The following HSD17B4 variants were observed in gnomAD, a reference collection of about 807,000 sequenced individuals.
The protein encoded by HSD17B4 is peroxisomal multifunctional enzyme type 2.
Under a neutral mutation model 101.0 loss-of-function variants are expected in HSD17B4, and 70 were observed. The observed-to-expected ratio is 0.69, with a 90% CI of 0.57 to 0.85. The LOEUF is 0.85. Among genes scored for constraint, HSD17B4 ranks in the 40% least tolerant of loss-of-function variants. The pLI is 0.00. For missense variants in HSD17B4, 984 were observed against 892.4 expected, an observed-to-expected ratio of 1.10 and a Z score of -1.31; for synonymous variants, 347 against 297.1, an observed-to-expected ratio of 1.17 and a Z score of -1.73.
At chr5:119,507,386 A>G (rs1580647167) in intron 15 of HSD17B4, among the ~76,000 whole-genome samples, 1 of 152,216 alleles carries the variant, frequency 6.6e-6, no homozygotes, top group Non-Finnish European at 1.5e-5. Flanking sequence ...TGGTTTAAAC[A>G]CCACAGCCAC....
chr5:119,502,672 A>G (rs921939019), intron 14 of HSD17B4, among the ~76,000 whole-genome samples: 3 of 152,142 alleles, frequency 2.0e-5, no homozygotes, highest in African/African-American at 7.2e-5. Flanking sequence ...CTGGTCATAT[A>G]AGGTGGTAGA....
At position 119,473,465 on chromosome 5, in the gene HSD17B4, CAT is replaced by C. The variant is rs1470791366; in HGVS notation, c.113-442_113-441del. On this transcript the variant is annotated intron_variant, in intron 2 of 23. Coordinates refer to ENST00000510025, the MANE Select transcript of HSD17B4 (RefSeq NM_000414.4). Reference sequence around the variant, plus strand: ...TCCCAAGTAGCTGGGACTACAGATACATGCCATAATGCCCAGCTAATTATTTT... The same window carrying C: ...TCCCAAGTAGCTGGGACTACAGATACGCCATAATGCCCAGCTAATTATTTT... Among the ~76,000 whole-genome samples, 4 of 151,504 alleles carry C rather than the reference CAT, an allele frequency of 2.6e-5. No individual in the cohort carries two copies. The East Asian group carries it at 7.7e-4, about 29-fold the overall frequency.
intron 1 of HSD17B4, among the ~76,000 whole-genome samples, chr5:119,455,088 G>A (rs1186860966): frequency 1.3e-5 from 2 of 152,166 alleles, no homozygotes; most frequent in African/African-American, 4.8e-5. Context: ...ATTAAAAAAT[G>A]TAAACAATAC....
In HSD17B4 at chr5:119,516,477, T is replaced by G. The variant is rs570924334; in HGVS notation, c.1503+1431T>G. 3.3e-5 allele frequency among the ~76,000 whole-genome samples: 5 copies of G among 152,278 alleles called. No homozygotes were observed. The East Asian group carries it at 9.6e-4, about 29-fold the overall frequency. On this transcript the variant is annotated intron_variant, in intron 17 of 23. Coordinates refer to ENST00000510025, the MANE Select transcript of HSD17B4 (RefSeq NM_000414.4). ...TTTTTTTTTCAGATGACTAAAACTT[T>G]TTGTTAGTTTTAAGGTAGGTTTTAA...
intron 17 of HSD17B4, among the ~76,000 whole-genome samples, chr5:119,522,474 G>T (rs951362704): frequency 1.3e-5 from 2 of 152,054 alleles, no homozygotes; most frequent in Non-Finnish European, 2.9e-5. Flanking sequence ...TGGGTCAAAT[G>T]GTATTGCTAG....
chr5:119,488,336 A>C (rs781393450), intron 8 of HSD17B4, among the ~76,000 whole-genome samples: 1 of 152,176 alleles, frequency 6.6e-6, no homozygotes. Flanking sequence ...AGGTACTCAC[A>C]GAAAAGGTGC....
intron 11 of HSD17B4, 30 bp downstream of exon 11, chr5:119,493,976 G>GT (rs769087494): frequency 6.2e-7 from 1 of 1,611,762 alleles, no homozygotes; most frequent in South Asian, 1.1e-5. Flanking sequence ...CTTAGCCCTG[G>GT]TTGGGGAATC....
At chr5:119,522,631 A>G (rs1035587858) in intron 17 of HSD17B4, among the ~76,000 whole-genome samples, 8 of 152,080 alleles carry the variant, frequency 5.3e-5, no homozygotes, top group South Asian at 4.1e-4. Context: ...GCAACATGCA[A>G]TTTCTTTAGT....
intron 23 of HSD17B4, among the ~76,000 whole-genome samples, chr5:119,537,883 A>G (rs1561495647): frequency 1.3e-5 from 2 of 152,122 alleles, no homozygotes. Context: ...AGGACAGGGG[A>G]ACTATTTTAA....
At chr5:119,497,401 C>T (rs1260292271) in intron 12 of HSD17B4, among the ~76,000 whole-genome samples, 2 of 152,140 alleles carry the variant, frequency 1.3e-5, no homozygotes, top group Non-Finnish European at 2.9e-5. Context: ...GTATGCCTGC[C>T]TGGACTGTCT....
At chr5:119,524,244 T>C (rs923911712) in intron 17 of HSD17B4, among the ~76,000 whole-genome samples, 2 of 152,054 alleles carry the variant, frequency 1.3e-5, no homozygotes, top group Admixed American at 6.6e-5. Flanking sequence ...AAAGAGCTTA[T>C]TGGAATTATA....
intron 2 of HSD17B4, among the ~76,000 whole-genome samples, chr5:119,469,346 A>G (rs899735559): frequency 2.0e-5 from 3 of 146,974 alleles, no homozygotes; most frequent in African/African-American, 5.0e-5. Flanking sequence ...AAAGGTATCT[A>G]TTTTTATTTC....
rs1561485663 is a variant in HSD17B4, at chr5:119,525,917, GT to G, written c.1578del (p.Phe526LeufsTer106). On this transcript the variant is annotated frameshift_variant and splice_region_variant, in exon 19 of 24. Coordinates refer to ENST00000510025, the MANE Select transcript of HSD17B4 (RefSeq NM_000414.4). LOFTEE classifies it high-confidence loss of function. Reference sequence around the variant, plus strand: ...AACTCAGTGTTCTCTCTTTTCCTAGGTTTTGACAAGCCCATATTACATGGAT... The same window carrying G: ...AACTCAGTGTTCTCTCTTTTCCTAGGTTTGACAAGCCCATATTACATGGAT... ...HIDPNFASLA[G>X]FDKPILHGLC... 1 of 1,586,358 alleles carries G rather than the reference GT, an allele frequency of 6.3e-7. No individual in the cohort carries two copies. The highest frequency in any genetic ancestry group is 8.7e-7 in the Non-Finnish European group (1 of 1,155,342).
intron 2 of HSD17B4, 151 bp downstream of exon 2, chr5:119,456,519 GCTGT>G (rs1415353857): frequency 1.7e-5 from 11 of 649,770 alleles, no homozygotes; most frequent in Admixed American, 8.1e-5. Flanking sequence ...CCCGACTAAG[GCTGT>G]CTGTCTAAAT....
At chr5:119,483,285 T>A (rs528723) in intron 8 of HSD17B4, among the ~76,000 whole-genome samples, 2 of 152,126 alleles carry the variant, frequency 1.3e-5, no homozygotes, top group South Asian at 2.1e-4. Context: ...TCTATCTCAG[T>A]AAGCTGGGTT....
chr5:119,520,930 G>A (rs950103185), intron 17 of HSD17B4, among the ~76,000 whole-genome samples: 2 of 152,102 alleles, frequency 1.3e-5, no homozygotes, highest in Non-Finnish European at 2.9e-5. Flanking sequence ...CATTTTGGGG[G>A]ATGCATTATT....
intron 2 of HSD17B4, among the ~76,000 whole-genome samples, chr5:119,460,250 C>A (rs1036270536): frequency 5.3e-5 from 8 of 152,160 alleles, no homozygotes; most frequent in Non-Finnish European, 1.0e-4. Flanking sequence ...AATATTTAAA[C>A]CATCCCAGGC....
chr5:119,472,357 T>C (rs911196584), intron 2 of HSD17B4: 1 of 152,198 alleles, frequency 6.6e-6, no homozygotes, highest in Non-Finnish European at 1.5e-5. Context: ...CTTCACAAGG[T>C]TTTAAGTGTA....
At chr5:119,496,440 G>T in intron 11 of HSD17B4, 103 bp from the exon 12 acceptor site, 1 of 743,630 alleles carries the variant, frequency 1.3e-6, no homozygotes, top group East Asian at 2.6e-5. Context: ...TCTGTAGCAG[G>T]TTTGCTGAAT....
Sources: allele counts gnomAD v4.1 joint callset (sites outside exome capture counted in the v4.1 genomes callset), GRCh38; gene constraint gnomAD v4.1.1; transcripts MANE v1.5; gene names NCBI Gene and HGNC (gene_info 2026-07-23, HGNC 2026-07-21).